The following ZNF208 variants were observed in gnomAD, a reference collection of about 807,000 sequenced individuals.
ZNF208 encodes zinc finger protein 95.
A neutral mutation model predicts 12.1 loss-of-function variants in ZNF208; 10 were observed. The observed-to-expected ratio is 0.83, with a 90% CI of 0.51 to 1.40. ZNF208 has a LOEUF of 1.40. Among genes scored for constraint, ZNF208 ranks in the 40% most tolerant of loss-of-function variants. The probability of loss-of-function intolerance (pLI) is 0.00; values close to 1 mark genes in which losing one functional copy is unlikely to be tolerated. For synonymous variants in ZNF208, 497 were observed against 488.4 expected (o/e 1.02, Z -0.23); for missense variants, 1,652 against 1,485.0 (o/e 1.11, Z -1.85).
At chr19:21,945,827 A>C (rs1024388606) in intron 4 of ZNF208, among the ~76,000 whole-genome samples, 3 of 152,120 alleles carry the variant, frequency 2.0e-5, no homozygotes, top group African/African-American at 7.2e-5. Context: ...CCTTAGGTAG[A>C]TAGCAAGGCA....
chr19:21,985,106 A>G (rs1345919214), intron 3 of ZNF208, among the ~76,000 whole-genome samples: 1 of 152,216 alleles, frequency 6.6e-6, no homozygotes, highest in Non-Finnish European at 1.5e-5. Flanking sequence ...AATTATAACG[A>G]TAAATCTTGA....
chr19:21,953,069 A>T (rs1969917715), intron 4 of ZNF208, among the ~76,000 whole-genome samples: 1 of 152,252 alleles, frequency 6.6e-6, no homozygotes, highest in Non-Finnish European at 1.5e-5. Context: ...GGTACCAGTG[A>T]TTGAAGATCA....
At chr19:21,995,325 G>A (rs1970815174) in intron 1 of ZNF208, among the ~76,000 whole-genome samples, 1 of 152,098 alleles carries the variant, frequency 6.6e-6, no homozygotes, top group African/African-American at 2.4e-5. Flanking sequence ...CAGACCTCCT[G>A]ATTTTTTACC....
At chr19:21,988,596 A>G (rs1270990771) in intron 2 of ZNF208, among the ~76,000 whole-genome samples, 187 bp downstream of exon 2, 2 of 152,228 alleles carry the variant, frequency 1.3e-5, no homozygotes, top group Admixed American at 6.5e-5. Flanking sequence ...ATAAATACAA[A>G]GGGCTATAGA....
intron 4 of ZNF208, among the ~76,000 whole-genome samples, chr19:21,959,222 T>C (rs1172563495): frequency 3.3e-5 from 5 of 152,102 alleles, no homozygotes; most frequent in African/African-American, 1.2e-4. Context: ...CAGATACTAA[T>C]AAGTGATGAA....
chr19:21,987,662 T>C (rs1970651103), intron 2 of ZNF208, among the ~76,000 whole-genome samples: 2 of 152,206 alleles, frequency 1.3e-5, no homozygotes, highest in South Asian at 4.1e-4. Flanking sequence ...TGCAGGCTCC[T>C]AGTTAGGCCC....
At chr19:21,989,389 A>G (rs562274681) in intron 1 of ZNF208, among the ~76,000 whole-genome samples, 1 of 151,882 alleles carries the variant, frequency 6.6e-6, no homozygotes, top group African/African-American at 2.4e-5. Flanking sequence ...AATTTCATCC[A>G]TGTCCCAACA....
At chr19:21,990,687 TA>T (rs1970717586) in intron 1 of ZNF208, among the ~76,000 whole-genome samples, 1 of 152,170 alleles carries the variant, frequency 6.6e-6, no homozygotes, top group Admixed American at 6.6e-5. Context: ...CTTGAATCTA[TA>T]AAATACCTAG....
chr19:21,948,259 C>T (rs551775305), intron 4 of ZNF208, among the ~76,000 whole-genome samples: 1 of 152,304 alleles, frequency 6.6e-6, no homozygotes, highest in South Asian at 2.1e-4. Flanking sequence ...AAACCCATGG[C>T]CATCTTAGAG....
At position 21,970,739 on chromosome 19, in the gene ZNF208, C is replaced by T. The variant is rs973701228; in HGVS notation, c.*452G>A. On this transcript the variant is annotated 3_prime_UTR_variant, in exon 4 of 4. Transcript: ENST00000397126. ...TTCTTATGTGTAGGAGGGTTGGGAA[C>T]TGTTTAAAAGCTTTGCCAAATTCTT... 3 of 1,285,934 alleles carry T rather than the reference C, an allele frequency of 2.3e-6. No homozygotes were observed. The highest frequency in any genetic ancestry group is 2.9e-5 in the African/African-American group (2 of 67,934). The allele number at this position is 1,285,934 out of a possible 1,614,324, so 79.7% of individuals were successfully genotyped here.
At chr19:21,981,907 C>T (rs1210922484) in intron 3 of ZNF208, among the ~76,000 whole-genome samples, 5 of 151,968 alleles carry the variant, frequency 3.3e-5, no homozygotes, top group Non-Finnish European at 5.9e-5. Flanking sequence ...CATTCCTAAA[C>T]ACCAATAATA....
chr19:21,996,064 G>C (rs1970831810), intron 1 of ZNF208, among the ~76,000 whole-genome samples: 1 of 152,170 alleles, frequency 6.6e-6, no homozygotes, highest in South Asian at 2.1e-4. Context: ...ACAGCAAGTA[G>C]AGTGAAATCA....
Position 21,966,432 on chromosome 19 carries a change from G to A in ZNF208, c.*4759C>T, listed in dbSNP as rs181267780. 6.6e-6 allele frequency: 1 copy of A among 152,184 alleles called. No homozygotes were observed. 9.4% of individuals were successfully genotyped at this position (152,184 alleles called of 1,614,324 possible). On this transcript the variant is annotated 3_prime_UTR_variant, in exon 4 of 4. Coordinates refer to ENST00000397126, the MANE Select transcript of ZNF208 (RefSeq NM_007153.3). ...CTGCATTCATGTTGCTGCAAAAGAC[G>A]TTACTTCATTCTCTTCTGTTGCTGC...
At chr19:21,956,100 C>G (rs1395777185) in intron 4 of ZNF208, among the ~76,000 whole-genome samples, 1 of 152,236 alleles carries the variant, frequency 6.6e-6, no homozygotes, top group South Asian at 2.1e-4. Context: ...GCTGGAGGTC[C>G]ACTCCAGACC....
chr19:21,960,021 C>T (rs539089281), intron 4 of ZNF208, among the ~76,000 whole-genome samples: 2 of 152,010 alleles, frequency 1.3e-5, no homozygotes, highest in Non-Finnish European at 2.9e-5. Flanking sequence ...TCTGGTAATA[C>T]AGCAGTTGAA....
chr19:21,993,314 C>A (rs1483746184), intron 1 of ZNF208, among the ~76,000 whole-genome samples: 3 of 152,014 alleles, frequency 2.0e-5, no homozygotes, highest in Admixed American at 6.6e-5. Context: ...CCCTTTAATG[C>A]AAAGATGGAA....
chr19:21,940,841 A>G (rs757993104), intron 4 of ZNF208: 9 of 153,764 alleles, frequency 5.9e-5, no homozygotes, highest in Non-Finnish European at 1.3e-4. Flanking sequence ...CCAGTGGGAG[A>G]AACTGGCCCC....
chr19:21,954,826 C>T (rs1969947330), intron 4 of ZNF208, among the ~76,000 whole-genome samples: 1 of 152,116 alleles, frequency 6.6e-6, no homozygotes, highest in Admixed American at 6.5e-5. Flanking sequence ...AGCACTTAGC[C>T]CATTTACATT....
intron 1 of ZNF208, among the ~76,000 whole-genome samples, chr19:21,991,115 T>G (rs1489389639): frequency 1.3e-5 from 2 of 152,310 alleles, no homozygotes; most frequent in Admixed American, 6.5e-5. Context: ...CCTGCCTAAT[T>G]GCCCTGGTCA....
Sources: gnomAD v4.1 joint callset for allele counts (sites outside exome capture counted in the v4.1 genomes callset) on GRCh38, gnomAD v4.1.1 for gene constraint, MANE v1.5 for transcripts, NCBI Gene and HGNC (gene_info 2026-07-23, HGNC 2026-07-21) for gene names.